The following MCM10 variants were observed in gnomAD, a reference collection of about 807,000 sequenced individuals.
The protein encoded by MCM10 is minichromosome maintenance 10 replication initiation factor, also known as protein MCM10 homolog.
MCM10 carries 91 observed loss-of-function variants against 109.9 expected under a neutral mutation model. The ratio of observed to expected loss-of-function variants is 0.83; its 90% CI spans 0.70 to 0.99. The LOEUF is 0.99. Among genes scored for constraint, MCM10 ranks in the 50% least tolerant of loss-of-function variants. The pLI, the probability that MCM10 is intolerant of heterozygous loss-of-function variation, is 0.00. For synonymous variants in MCM10, 380 were observed against 387.2 expected (o/e 0.98, Z 0.22); for missense variants, 1,077 against 1,061.2 (o/e 1.01, Z -0.21).
intron 9 of MCM10, among the ~76,000 whole-genome samples, chr10:13,187,800 G>A (rs1264325705): frequency 6.6e-6 from 1 of 152,098 alleles, no homozygotes; most frequent in Non-Finnish European, 1.5e-5. Flanking sequence ...GGAAAATGAG[G>A]TTTCAGAGTG....
At chr10:13,187,168 A>C (rs1158779919) in intron 9 of MCM10, among the ~76,000 whole-genome samples, 2 of 152,126 alleles carry the variant, frequency 1.3e-5, no homozygotes, top group Non-Finnish European at 2.9e-5. Context: ...GGTAAGCACT[A>C]ACCTACTTTC....
intron 10 of MCM10, 48 bp downstream of exon 10, chr10:13,189,128 A>C (rs779387667): frequency 3.8e-5 from 61 of 1,590,374 alleles, no homozygotes; most frequent in Admixed American, 1.0e-4. Flanking sequence ...TGCTTATCAA[A>C]GACTAAACCT....
chr10:13,170,028 G>A (rs552424496), intron 2 of MCM10, among the ~76,000 whole-genome samples: 1 of 152,298 alleles, frequency 6.6e-6, no homozygotes, highest in African/African-American at 2.4e-5. Context: ...TTTGATTTGG[G>A]TTAATCTTAC....
chr10:13,195,403 C>T, intron 14 of MCM10, 134 bp downstream of exon 14: 1 of 664,148 alleles, frequency 1.5e-6, no homozygotes, highest in South Asian at 2.1e-5. Flanking sequence ...ATGGTAGTGT[C>T]AACATAATAC....
rs1351003868 is a variant in MCM10, at chr10:13,195,160, C to T, written c.1865C>T (p.Thr622Ile). The part of the protein sequence containing the change: ...EFPRLEGAPA[T>I]MTPKLGRGVL... ...CCCAGGCTGGAGGGAGCCCCGGCCA[C>T]AATGACGCCCAAGCTGGGGCGAGGT... is the stretch of plus-strand genomic sequence containing the variant. The change falls in exon 14 of 20, where the codon ACA (threonine) becomes ATA (isoleucine). Residue 622 changes from threonine (T) to isoleucine (I), a missense_variant. Physicochemically the swap from Thr to Ile is moderately conservative, Grantham distance 89. Coordinates refer to ENST00000378714, the MANE Select transcript of MCM10 (RefSeq NM_018518.5). 1 of 1,614,152 alleles carries T rather than the reference C, an allele frequency of 6.2e-7. No individual in the cohort carries two copies. The highest frequency in any genetic ancestry group is 8.5e-7 in the Non-Finnish European group (1 of 1,180,028).
intron 1 of MCM10, among the ~76,000 whole-genome samples, chr10:13,163,206 G>A (rs1036338240): frequency 1.3e-5 from 2 of 152,146 alleles, no homozygotes; most frequent in African/African-American, 4.8e-5. Flanking sequence ...GGGTGTGGTA[G>A]TGCACGTTTG....
rs1181367623 is a variant in MCM10, at chr10:13,195,253, T to C, written c.1958T>C (p.Leu653Ser). Reference sequence around the variant, plus strand: ...CCACCAAGACCAAAACTGAGTGCTTTAGCAGAAGCCAAAAAGGTAACTGGC... The same window carrying C: ...CCACCAAGACCAAAACTGAGTGCTTCAGCAGAAGCCAAAAAGGTAACTGGC... ...SPPPRPKLSA[L>S]AEAKKLAAIT... Residue 653 changes from leucine (L) to serine (S), a missense_variant, in exon 14 of 20, where the codon TTA (leucine) becomes TCA (serine). By Grantham distance (145) the Leu-to-Ser change is moderately radical. Transcript: ENST00000378714. 2 of 1,602,324 alleles carry C rather than the reference T, an allele frequency of 1.2e-6. No individual in the cohort carries two copies.
At chr10:13,195,793 T>A (rs180931099) in intron 14 of MCM10, among the ~76,000 whole-genome samples, 3 of 151,464 alleles carry the variant, frequency 2.0e-5, no homozygotes, top group Non-Finnish European at 4.4e-5. Context: ...AGTAGAGACA[T>A]GGTTTCACCA....
chr10:13,187,773 T>G (rs984117429), intron 9 of MCM10, among the ~76,000 whole-genome samples: 2 of 152,172 alleles, frequency 1.3e-5, no homozygotes, highest in Non-Finnish European at 2.9e-5. Context: ...CAGGAAAGAA[T>G]AAGGTGGGAG....
chr10:13,193,696 C>T (rs1293174218), intron 13 of MCM10, among the ~76,000 whole-genome samples: 1 of 152,074 alleles, frequency 6.6e-6, no homozygotes, highest in African/African-American at 2.4e-5. Flanking sequence ...GGTGGGATAT[C>T]TATAGAGCTA....
Position 13,191,399 on chromosome 10 carries a change from G to A in MCM10, c.1516G>A (p.Gly506Arg), listed in dbSNP as rs756012601. ...CATCCAGGAAACACGGCAAAAACTC[G>A]GTAACTTTGTTTTTCCATAAGAAAT... is the stretch of plus-strand genomic sequence containing the variant. ...LIIQETRQKL[G>R]IPQKSLSCSE... The change falls in exon 11 of 20, where the codon GGA becomes AGA. Residue 506 changes from glycine to arginine, a missense_variant and splice_region_variant. Physicochemically the swap from Gly to Arg is moderately radical, Grantham distance 125. Coordinates refer to ENST00000378714, the MANE Select transcript of MCM10 (RefSeq NM_018518.5). 7 of 1,612,282 alleles carry A rather than the reference G, an allele frequency of 4.3e-6. No individual in the cohort carries two copies. The highest frequency in any genetic ancestry group is 3.3e-5 in the Admixed American group (2 of 59,990).
chr10:13,170,261 C>T (rs1037272557), intron 2 of MCM10, among the ~76,000 whole-genome samples: 10 of 152,086 alleles, frequency 6.6e-5, no homozygotes, highest in African/African-American at 2.4e-4. Flanking sequence ...CAGACTTCAT[C>T]TGGAAGGTGT....
chr10:13,170,803 T>G (rs566448059), intron 2 of MCM10, 119 bp from the exon 3 acceptor site: 21 of 745,322 alleles, frequency 2.8e-5, no homozygotes, highest in Non-Finnish European at 4.6e-5. Context: ...ACCCAGGTAA[T>G]GAGCATTGTA....
At chr10:13,173,951 C>G (rs1212450565) in intron 5 of MCM10, among the ~76,000 whole-genome samples, 6 of 151,750 alleles carry the variant, frequency 4.0e-5, no homozygotes, top group African/African-American at 1.5e-4. Flanking sequence ...AGGAAAATAC[C>G]CAAGCATCTG....
chr10:13,198,497 C>T (rs1165888753), intron 15 of MCM10, among the ~76,000 whole-genome samples, 192 bp from the exon 16 acceptor site: 2 of 152,168 alleles, frequency 1.3e-5, no homozygotes, highest in Non-Finnish European at 2.9e-5. Context: ...AAATCTGCCA[C>T]CACCCCACAT....
In MCM10 at chr10:13,180,118, G is replaced by A. The variant is rs921807504; in HGVS notation, c.765-324G>A. Among the ~76,000 whole-genome samples, 11 of 152,246 alleles carry A rather than the reference G, an allele frequency of 7.2e-5. No homozygotes were observed. In the South Asian group the frequency reaches 1.5e-3, roughly 20 times the overall value. Reference sequence around the variant, plus strand: ...AAAATACAAACATTAGCACATGATGGCACATGCCTGTAGTCCCAGCTACTC... The same window carrying A: ...AAAATACAAACATTAGCACATGATGACACATGCCTGTAGTCCCAGCTACTC... On this transcript the variant is annotated intron_variant, in intron 6 of 19. Transcript: ENST00000378714.
intron 16 of MCM10, among the ~76,000 whole-genome samples, chr10:13,200,527 A>T (rs965961846): frequency 6.6e-6 from 1 of 152,212 alleles, no homozygotes. Flanking sequence ...TTTTCACTGG[A>T]CTTGAAACTC....
intron 13 of MCM10, among the ~76,000 whole-genome samples, chr10:13,194,423 TATAATCCC>T (rs1834389043): frequency 6.6e-6 from 1 of 151,918 alleles, no homozygotes. Context: ...AGCTCACGCC[TATAATCCC>T]AACACTTGGG....
In MCM10 at chr10:13,211,053, G is replaced by A. The variant is rs1406236026; in HGVS notation, c.*1743G>A. ...TAAAGGCTGAGGGTGAGCTGTATCT[G>A]GATGCCTTTTTACAATTTGATTTTA... On this transcript the variant is annotated 3_prime_UTR_variant, in exon 20 of 20. Transcript: ENST00000378714. 6.6e-6 allele frequency: 1 copy of A among 152,008 alleles called. No individual in the cohort carries two copies. The highest frequency in any genetic ancestry group is 2.4e-5 in the African/African-American group (1 of 41,388). 9.4% of individuals were successfully genotyped at this position (152,008 alleles called of 1,614,324 possible).
Sources: gnomAD v4.1 joint callset for allele counts (sites outside exome capture counted in the v4.1 genomes callset) on GRCh38, gnomAD v4.1.1 for gene constraint, MANE v1.5 for transcripts, NCBI Gene and HGNC (gene_info 2026-07-23, HGNC 2026-07-21) for gene names.